CCDC141: variants seen among roughly 807,000 people sequenced by gnomAD.
The protein encoded by CCDC141 is coiled-coil domain containing 141, also known as coiled-coil domain-containing protein 141.
A neutral mutation model predicts 181.0 loss-of-function variants in CCDC141; 168 were observed. The observed-to-expected ratio is 0.93, with a 90% CI of 0.82 to 1.05. The LOEUF is 1.05. Among genes scored for constraint, CCDC141 ranks in the 50% least tolerant of loss-of-function variants. CCDC141 has a pLI of 0.00. For missense variants in CCDC141, 1,902 were observed against 1,788.5 expected (o/e 1.06, Z -1.14); for synonymous variants, 666 against 642.3 (o/e 1.04, Z -0.56).
At chr2:178,996,296 T>A (rs887043654) in intron 2 of CCDC141, among the ~76,000 whole-genome samples, 7 of 152,110 alleles carry the variant, frequency 4.6e-5, no homozygotes, top group Non-Finnish European at 8.8e-5. Context: ...CAGGCTGGTC[T>A]CAAACTTCTG....
rs547167623 is a variant in CCDC141 at position 178,957,907 on chromosome 2, T to G, written c.780+3323A>C. The stretch of plus-strand genomic sequence containing the variant: ...ACACCTGGCTACTTTAAAACATTTT[T>G]TGTAGAGACAGGGTCTCCTTACTTT... On this transcript the variant is annotated intron_variant, in intron 5 of 23. Coordinates refer to ENST00000443758, the MANE Select transcript of CCDC141 (RefSeq NM_173648.4). Among the ~76,000 whole-genome samples the G allele has an allele frequency of 3.3e-5, 5 of 152,312 alleles. No individual in the cohort carries two copies. The East Asian group carries it at 9.6e-4, about 29-fold the overall frequency.
intron 2 of CCDC141, among the ~76,000 whole-genome samples, chr2:178,987,526 C>T (rs1469909065): frequency 6.6e-6 from 1 of 151,918 alleles, no homozygotes; most frequent in African/African-American, 2.4e-5. Flanking sequence ...TCAGAGTGAA[C>T]AGGCAACCTA....
chr2:178,910,285 T>C (rs557466119), intron 7 of CCDC141, among the ~76,000 whole-genome samples: 145 of 152,314 alleles, frequency 9.5e-4, no homozygotes, highest in African/African-American at 3.3e-3. Flanking sequence ...ATAAGTAATG[T>C]TGTTTGCTTC....
rs1475047807 is a variant in CCDC141 at position 179,015,075 on chromosome 2, T to G, written c.225+32209A>C. 4.1e-4 allele frequency among the ~76,000 whole-genome samples: 12 copies of G among 28,952 alleles called. 1 individual carries two copies. The highest frequency in any genetic ancestry group is 7.5e-4 in the Non-Finnish European group (9 of 11,964). The allele number at this position is 28,952 out of a possible 152,430, so 19.0% of individuals were successfully genotyped here. ...ACTGTGAGAGAGACAGAGATATATA[T>G]ATATATATATATATATATATATATA... On this transcript the variant is annotated intron_variant, in intron 2 of 23. Transcript: ENST00000443758.
chr2:178,871,522 C>T lies in CCDC141; in HGVS notation c.2110G>A (p.Ala704Thr). ...TCAAGTGCAGACACAGGCATAAGTGCTTCCTGAAGAAGTTTTAAGTTGTGA... is the reference window on the plus strand; with the variant it reads ...TCAAGTGCAGACACAGGCATAAGTGTTTCCTGAAGAAGTTTTAAGTTGTGA... ...TSHNLKLLQE[A>T]LMPVSALDLG... Residue 704 changes from alanine to threonine, a missense_variant, in exon 14 of 24, where the codon GCA (alanine) becomes ACA (threonine). Transcript: ENST00000443758. The T allele has an allele frequency of 6.2e-7, 1 of 1,613,764 alleles. No homozygotes were observed.
At position 178,984,516 on chromosome 2, in the gene CCDC141, C is replaced by T. The variant is rs530959657; in HGVS notation, c.226-5841G>A. ...AACTGCTCCAATTAAAAGACACAGA[C>T]TGGCAAATTGGATAAAGAGTCAAGA... On this transcript the variant is annotated intron_variant, in intron 2 of 23. Transcript: ENST00000443758. 2.2e-4 allele frequency among the ~76,000 whole-genome samples: 34 copies of T among 151,982 alleles called. No homozygotes were observed. In the East Asian group the frequency reaches 4.6e-3, roughly 21 times the overall value.
chr2:179,047,363 T>C lies in CCDC141; in HGVS notation c.146A>G (p.Asn49Ser), dbSNP rs1291284224. Residue 49 changes from asparagine to serine, a missense_variant, in exon 2 of 24, where the codon AAT becomes AGT. Asn to Ser is a conservative substitution (Grantham distance 46). Coordinates refer to ENST00000443758, the MANE Select transcript of CCDC141 (RefSeq NM_173648.4). The stretch of plus-strand genomic sequence containing the variant: ...TTGACTGCTGCCAATTTCTAGAAGA[T>C]TGGGCTGTGATTCAGCCAGTTGAAG... Reference protein sequence around the residue: ...VQLQLAESQPNLLEIGSSQDE... With the variant: ...VQLQLAESQPSLLEIGSSQDE... The C allele has an allele frequency of 4.5e-6, 7 of 1,539,620 alleles. No individual in the cohort carries two copies. The highest frequency in any genetic ancestry group is 5.0e-5 in the East Asian group (2 of 40,372).
intron 17 of CCDC141, 108 bp downstream of exon 17, chr2:178,865,659 G>T: frequency 9.9e-7 from 1 of 1,006,202 alleles, no homozygotes; most frequent in Non-Finnish European, 1.3e-6. Context: ...GATTCATTGT[G>T]TGTTTGCATG....
Position 178,988,037 on chromosome 2 carries a change from C to G in CCDC141, c.226-9362G>C, listed in dbSNP as rs925546829. 6.6e-3 allele frequency among the ~76,000 whole-genome samples: 998 copies of G among 151,998 alleles called. 6 individuals are homozygous for G. The highest frequency in any genetic ancestry group is 0.023 in the African/African-American group (962 of 41,462). On this transcript the variant is annotated intron_variant, in intron 2 of 23. Transcript: ENST00000443758. Reference sequence around the variant, plus strand: ...ATGCACACGTATGTTTACTGCGGCACTATTCACAATAGCAAAGACTTGGAA... The same window carrying G: ...ATGCACACGTATGTTTACTGCGGCAGTATTCACAATAGCAAAGACTTGGAA...
intron 2 of CCDC141, among the ~76,000 whole-genome samples, chr2:178,980,273 C>T (rs149101386): frequency 0.016 from 2,368 of 152,102 alleles, 33 homozygotes; most frequent in Non-Finnish European, 0.02. Flanking sequence ...CACAGTGAAA[C>T]GCCATCTCTA....
chr2:178,984,537 C>T (rs1691613717), intron 2 of CCDC141, among the ~76,000 whole-genome samples: 1 of 151,526 alleles, frequency 6.6e-6, no homozygotes, highest in Non-Finnish European at 1.5e-5. Flanking sequence ...GATAAAGAGT[C>T]AAGACCCATC....
chr2:178,918,702 C>T lies in CCDC141; in HGVS notation c.1092+11G>A. On this transcript the variant is annotated intron_variant, in intron 7 of 23. Transcript: ENST00000443758. ...GATTACCGAAAATTATCAACTTGAC[C>T]TCACACTGACCTTGTTAGCACTGTT... 2 of 1,547,598 alleles carry T rather than the reference C, an allele frequency of 1.3e-6. No homozygotes were observed. The highest frequency in any genetic ancestry group is 1.4e-5 in the African/African-American group (1 of 73,088).
At chr2:179,018,677 T>C (rs1425602380) in intron 2 of CCDC141, among the ~76,000 whole-genome samples, 1 of 152,176 alleles carries the variant, frequency 6.6e-6, no homozygotes, top group Admixed American at 6.6e-5. Flanking sequence ...GGCTCCTTTG[T>C]CACTTTCTTT....
intron 7 of CCDC141, among the ~76,000 whole-genome samples, chr2:178,917,405 T>C (rs1688500284): frequency 6.6e-6 from 1 of 152,224 alleles, no homozygotes; most frequent in African/African-American, 2.4e-5. Context: ...CAACTCTGTT[T>C]TGAAATTTTA....
intron 20 of CCDC141, among the ~76,000 whole-genome samples, chr2:178,852,689 T>C (rs1328117005): frequency 6.6e-6 from 1 of 152,210 alleles, no homozygotes; most frequent in Non-Finnish European, 1.5e-5. Context: ...CCAACTGTTG[T>C]GTCTTCTTTC....
chr2:179,021,642 A>G (rs1457333161), intron 2 of CCDC141, among the ~76,000 whole-genome samples: 3 of 152,226 alleles, frequency 2.0e-5, no homozygotes, highest in Non-Finnish European at 2.9e-5. Context: ...AGTGACATAC[A>G]CAGTAACAGA....
chr2:179,014,258 A>G (rs1189226276), intron 2 of CCDC141, among the ~76,000 whole-genome samples: 1 of 152,160 alleles, frequency 6.6e-6, no homozygotes, highest in Non-Finnish European at 1.5e-5. Flanking sequence ...CTCACCTTAT[A>G]CAAAAACCAA....
intron 7 of CCDC141, among the ~76,000 whole-genome samples, chr2:178,912,727 C>T (rs575811680): frequency 6.6e-6 from 1 of 152,258 alleles, no homozygotes; most frequent in African/African-American, 2.4e-5. Flanking sequence ...AAAATAGAAA[C>T]TCCTTAGCAT....
Position 178,834,286 on chromosome 2 carries a change from C to A in CCDC141, c.4480G>T (p.Val1494Phe), listed in dbSNP as rs1684381724. ...CAGTTACCTGTCACGTGGAGGATGA[C>A]ATTGGAAGAGAGAGCGCCGCTAGAG... ...QNSSGALSSNVILHVTGNCRL... is the reference protein window; with the variant it reads ...QNSSGALSSNFILHVTGNCRL... The change falls in exon 24 of 24, where the codon GTC becomes TTC. Residue 1494 changes from valine (V) to phenylalanine (F), a missense_variant. Transcript: ENST00000443758. 2.0e-6 allele frequency: 3 copies of A among 1,536,068 alleles called. No homozygotes were observed. The highest frequency in any genetic ancestry group is 2.6e-6 in the Non-Finnish European group (3 of 1,146,852).
Sources: allele counts gnomAD v4.1 joint callset (sites outside exome capture counted in the v4.1 genomes callset), GRCh38; gene constraint gnomAD v4.1.1; transcripts MANE v1.5; gene names NCBI Gene and HGNC (gene_info 2026-07-23, HGNC 2026-07-21).